Variants in ASH1L observed in about 807,000 individuals in gnomAD.
ASH1L encodes histone-lysine N-methyltransferase ASH1L.
In ASH1L, 23 loss-of-function variants were observed where a neutral mutation model predicts 269.0. The observed-to-expected ratio is 0.09, with a 90% CI of 0.06 to 0.12. The LOEUF is 0.12. ASH1L is among the 10% of genes least tolerant of loss of function. The pLI is 1.00. For missense variants in ASH1L, 2,912 were observed against 3,567.8 expected, an observed-to-expected ratio of 0.82 and a Z score of 4.68; for synonymous variants, 1,187 against 1,253.5, an observed-to-expected ratio of 0.95 and a Z score of 1.12.
chr1:155,452,911 G>A (rs1472012161), intron 4 of ASH1L, among the ~76,000 whole-genome samples: 1 of 152,240 alleles, frequency 6.6e-6, no homozygotes, highest in East Asian at 1.9e-4. Flanking sequence ...TCTACAGTTG[G>A]TAGTCAGAGT....
At chr1:155,467,743 C>T (rs996156638) in intron 3 of ASH1L, among the ~76,000 whole-genome samples, 2 of 152,074 alleles carry the variant, frequency 1.3e-5, no homozygotes, top group East Asian at 1.9e-4. Context: ...CCAACCAACA[C>T]TTATGAGGAA....
intron 5 of ASH1L, among the ~76,000 whole-genome samples, chr1:155,427,760 G>T (rs927881167): frequency 6.6e-6 from 1 of 152,090 alleles, no homozygotes; most frequent in African/African-American, 2.4e-5. Context: ...TTGGATGTGC[G>T]CCCTGCCCAC....
intron 6 of ASH1L, among the ~76,000 whole-genome samples, chr1:155,401,580 A>T (rs1658852930): frequency 6.6e-6 from 1 of 150,962 alleles, no homozygotes; most frequent in African/African-American, 2.4e-5. Flanking sequence ...TCAGGTCAAG[A>T]GGTGGAGACC....
At chr1:155,486,533 A>G (rs1449151142) in intron 2 of ASH1L, among the ~76,000 whole-genome samples, 1 of 152,190 alleles carries the variant, frequency 6.6e-6, no homozygotes, top group African/African-American at 2.4e-5. Context: ...GAAATAACTA[A>G]AAGAGTATAA....
At position 155,521,346 on chromosome 1, in the gene ASH1L, G is replaced by A. The variant is rs553336107; in HGVS notation, c.174C>T (p.Ile58=). Residue 58 remains isoleucine (I), a synonymous_variant, in exon 2 of 28, where the codon ATC becomes ATT. Transcript: ENST00000392403. ...DLRKRNRERN[I]EAGKDDGLTD... The stretch of plus-strand genomic sequence containing the variant: ...TCAAACCATCATCTTTCCCAGCTTC[G>A]ATGTTTCTTTCTCGATTCCGTTTGC... 25 of 1,614,022 alleles carry A rather than the reference G, an allele frequency of 1.5e-5. No individual in the cohort carries two copies. Among genetic ancestry groups the A allele is most frequent in the East Asian group, 8.9e-5 (4 of 44,876 alleles).
chr1:155,555,686 A>T (rs184495966), intron 1 of ASH1L, among the ~76,000 whole-genome samples: 1 of 152,318 alleles, frequency 6.6e-6, no homozygotes, highest in African/African-American at 2.4e-5. Context: ...TGTTCAATGC[A>T]AACATCGAAA....
chr1:155,442,419 C>A (rs1662663363), intron 4 of ASH1L, among the ~76,000 whole-genome samples: 1 of 151,740 alleles, frequency 6.6e-6, no homozygotes, highest in South Asian at 2.1e-4. Flanking sequence ...CCCGTCTCTA[C>A]TAAAAATACA....
At chr1:155,393,662 C>T (rs1322438922) in intron 7 of ASH1L, among the ~76,000 whole-genome samples, 1 of 151,744 alleles carries the variant, frequency 6.6e-6, no homozygotes. Context: ...TCACGCCATT[C>T]TCCTGCCTCA....
At chr1:155,483,890 T>C (rs536501036) in intron 2 of ASH1L, among the ~76,000 whole-genome samples, 1 of 152,108 alleles carries the variant, frequency 6.6e-6, no homozygotes, top group Non-Finnish European at 1.5e-5. Flanking sequence ...TATTATTAAA[T>C]GAAAAAAAGC....
chr1:155,480,672 C>T lies in ASH1L; in HGVS notation c.2198G>A (p.Gly733Glu). 1 of 1,613,600 alleles carries T rather than the reference C, an allele frequency of 6.2e-7. No individual in the cohort carries two copies. The highest frequency in any genetic ancestry group is 1.7e-5 in the Admixed American group (1 of 59,926). Reference sequence around the variant, plus strand: ...AAGCTCTGATCTTTCTAATTCTAGCCCTTTTGGAGACCGGCATGTGCTTCT... The same window carrying T: ...AAGCTCTGATCTTTCTAATTCTAGCTCTTTTGGAGACCGGCATGTGCTTCT... ...VARSTCRSPK[G>E]LELERSELFK... The change falls in exon 3 of 28, where the codon GGG becomes GAG. Residue 733 changes from glycine (G) to glutamate (E), a missense_variant. Transcript: ENST00000392403.
intron 2 of ASH1L, among the ~76,000 whole-genome samples, chr1:155,515,695 G>A (rs1455603635): frequency 6.6e-6 from 1 of 151,858 alleles, no homozygotes; most frequent in African/African-American, 2.4e-5. Flanking sequence ...AGGTATGGTG[G>A]CAAGCACCTG....
chr1:155,356,121 GA>G (rs1654365745), intron 15 of ASH1L, among the ~76,000 whole-genome samples: 1 of 151,774 alleles, frequency 6.6e-6, no homozygotes, highest in African/African-American at 2.4e-5. Context: ...ATTTTTAGTA[GA>G]GACAGGGTTT....
In ASH1L at chr1:155,347,776, G is replaced by C. The variant is rs143323544; in HGVS notation, c.7683C>G (p.Asp2561Glu). Residue 2561 changes from aspartate (D) to glutamate (E), a missense_variant, in exon 20 of 28, where the codon GAC becomes GAG. This residue lies in a region of ASH1L where 309 missense variants were observed against 435.1 expected (regional missense o/e 0.71). Transcript: ENST00000392403. ...EIVGETASEA[D>E]SSETSVSEKE... ...TTTCAGAGACTGAGGTCTCACTGCTGTCTGCCTCACTTGCTGTCTCTCCCA... is the reference window on the plus strand; with the variant it reads ...TTTCAGAGACTGAGGTCTCACTGCTCTCTGCCTCACTTGCTGTCTCTCCCA... 6.8e-6 allele frequency: 11 copies of C among 1,614,224 alleles called. No homozygotes were observed. In the East Asian group the frequency reaches 2.5e-4, roughly 36 times the overall value.
intron 21 of ASH1L, among the ~76,000 whole-genome samples, chr1:155,345,302 T>A (rs1291423829): frequency 6.8e-6 from 1 of 147,538 alleles, no homozygotes; most frequent in East Asian, 2.1e-4. Context: ...TGCCTCAGAC[T>A]CCCAAGTAGA....
rs180864404 is a variant in ASH1L at position 155,337,543 on chromosome 1, C to T, written c.*117G>A. The T allele has an allele frequency of 2.5e-3, 1,942 of 792,034 alleles. 1 individual carries two copies. Among genetic ancestry groups the T allele is most frequent in the Middle Eastern group, 7.0e-3 (21 of 3,004 alleles). 49.1% of individuals were successfully genotyped at this position (792,034 alleles called of 1,614,324 possible). ...TAAGTACCTAATGTCAACAACATGG[C>T]CCCATTCCCCTTGCCCAGATGGACC... On this transcript the variant is annotated 3_prime_UTR_variant, in exon 28 of 28. Coordinates refer to ENST00000392403, the MANE Select transcript of ASH1L (RefSeq NM_018489.3).
chr1:155,355,230 T>C lies in ASH1L; in HGVS notation c.7056-600A>G, dbSNP rs548961381. ...CACGCCCAGCTAATTTTTGTATTTT[T>C]AGTAGAGACGGGGTTTCCCCATGTT... On this transcript the variant is annotated intron_variant, in intron 15 of 27. Transcript: ENST00000392403. 7.4e-3 allele frequency among the ~76,000 whole-genome samples: 1,134 copies of C among 152,324 alleles called. 4 individuals carry two copies. The highest frequency in any genetic ancestry group is 0.048 in the Middle Eastern group (14 of 294).
intron 3 of ASH1L, among the ~76,000 whole-genome samples, chr1:155,475,072 G>A (rs1324082199): frequency 6.6e-6 from 1 of 152,100 alleles, no homozygotes; most frequent in African/African-American, 2.4e-5. Context: ...TCACCACGAT[G>A]AAGCTTTTTT....
chr1:155,545,991 T>C (rs1403393066), intron 1 of ASH1L, among the ~76,000 whole-genome samples: 36 of 151,952 alleles, frequency 2.4e-4, no homozygotes, highest in Admixed American at 2.3e-3. Flanking sequence ...ACCCCATCTC[T>C]ACTTAAAATA....
chr1:155,481,318 T>G lies in ASH1L; in HGVS notation c.1552A>C (p.Lys518Gln). ...TATACAGGAGGCTGCTTTTCATGCT[T>G]TGAGGTTTCATAAGATCCCTTTTCA... ...SSEKGSYETSKHEKQPPVYCT... is the reference protein window; with the variant it reads ...SSEKGSYETSQHEKQPPVYCT... Residue 518 changes from lysine (K) to glutamine (Q), a missense_variant, in exon 3 of 28, where the codon AAG (lysine) becomes CAG (glutamine). By Grantham distance (53) the Lys-to-Gln change is moderately conservative (BLOSUM62 1). Around this residue, in one of 13 missense-constraint regions of ASH1L, gnomAD observed 715 missense variants for 721.0 expected, o/e 0.99. Transcript: ENST00000392403. The G allele has an allele frequency of 6.2e-7, 1 of 1,614,130 alleles. No individual in the cohort carries two copies. Among genetic ancestry groups the G allele is most frequent in the African/African-American group, 1.3e-5 (1 of 75,048 alleles).
Sources: gnomAD v4.1 joint callset for allele counts (sites outside exome capture counted in the v4.1 genomes callset) on GRCh38, gnomAD v4.1.1 for gene constraint, gnomAD v4.1.1 regional missense constraint, MANE v1.5 for transcripts, NCBI Gene and HGNC (gene_info 2026-07-23, HGNC 2026-07-21) for gene names.